The following GCN1 variants were observed in gnomAD, a reference collection of about 807,000 sequenced individuals.
The protein encoded by GCN1 is stalled ribosome sensor GCN1.
Under a neutral mutation model 288.4 loss-of-function variants are expected in GCN1, and 90 were observed. That is an observed-to-expected ratio of 0.31 (90% CI 0.26 to 0.37). The LOEUF (loss-of-function observed/expected upper bound fraction) is 0.37, where lower values mean the gene tolerates loss of function less well. Ranked by LOEUF, GCN1 falls within the 10% of genes least tolerant of loss-of-function variation. The pLI, the probability that GCN1 is intolerant of heterozygous loss-of-function variation, is 1.00. For synonymous variants in GCN1, 1,386 were observed against 1,420.2 expected (o/e 0.98, Z 0.54); for missense variants, 2,586 against 3,419.9 (o/e 0.76, Z 6.08).
In GCN1 at chr12:120,156,866, G is replaced by C. The variant is rs752618071; in HGVS notation, c.3168+46C>G. ...CCTTTACACTGGGACTTGAGGTCTGGGTCACGAACTGAGTCACAGCAACAG... is the reference window on the plus strand; with the variant it reads ...CCTTTACACTGGGACTTGAGGTCTGCGTCACGAACTGAGTCACAGCAACAG... On this transcript the variant is annotated intron_variant, in intron 27 of 57. Coordinates refer to ENST00000300648, the MANE Select transcript of GCN1 (RefSeq NM_006836.2). This position sits in a 1 kb window ranked among gnomAD's most constrained non-coding sequence, Gnocchi z 5.8. The C allele has an allele frequency of 4.6e-6, 6 of 1,294,338 alleles. No homozygotes were observed. Among genetic ancestry groups the C allele is most frequent in the Non-Finnish European group, 3.4e-6 (3 of 887,880 alleles). 80.2% of individuals were successfully genotyped at this position (1,294,338 alleles called of 1,614,324 possible).
At chr12:120,175,362 C>A in intron 11 of GCN1, 150 bp from the exon 12 acceptor site, 1 of 734,316 alleles carries the variant, frequency 1.4e-6, no homozygotes, top group Non-Finnish European at 2.3e-6. Flanking sequence ...GCAACTTTTA[C>A]TAGCCTTTTG....
At position 120,170,320 on chromosome 12, in the gene GCN1, A is replaced by AGGG; in HGVS notation, c.1367_1368insCCC (p.Gly456_Asp457insPro). On this transcript the variant is annotated inframe_insertion and splice_region_variant, in exon 15 of 58. Coordinates refer to ENST00000300648, the MANE Select transcript of GCN1 (RefSeq NM_006836.2). ...AGTCCAGGGCCTGCAACAGCGTGTCACCTGTGGAGAGAGGACAAGCACCTT... is the reference window on the plus strand; with the variant it reads ...AGTCCAGGGCCTGCAACAGCGTGTCAGGGCCTGTGGAGAGAGGACAAGCACCTT... 1 of 1,613,928 alleles carries AGGG rather than the reference A, an allele frequency of 6.2e-7. No individual in the cohort carries two copies. Among genetic ancestry groups the AGGG allele is most frequent in the Non-Finnish European group, 8.5e-7 (1 of 1,179,812 alleles).
intron 16 of GCN1, among the ~76,000 whole-genome samples, chr12:120,166,514 C>T (rs1878130851): frequency 6.6e-6 from 1 of 151,492 alleles, no homozygotes; most frequent in Non-Finnish European, 1.5e-5. Flanking sequence ...ACCAGCCTGG[C>T]TAACACTGTG....
Position 120,129,512 on chromosome 12 carries a change from A to G in GCN1, c.7672-18T>C. ...TGCAGACACTGTAAAAAGAACCACAAACAGGCTTTTGGATAGGCATGTCAT... is the reference window on the plus strand; with the variant it reads ...TGCAGACACTGTAAAAAGAACCACAGACAGGCTTTTGGATAGGCATGTCAT... On this transcript the variant is annotated intron_variant, in intron 56 of 57. Coordinates refer to ENST00000300648, the MANE Select transcript of GCN1 (RefSeq NM_006836.2). 2 of 1,585,378 alleles carry G rather than the reference A, an allele frequency of 1.3e-6. No individual in the cohort carries two copies. The highest frequency in any genetic ancestry group is 1.7e-6 in the Non-Finnish European group (2 of 1,153,808).
intron 16 of GCN1, among the ~76,000 whole-genome samples, chr12:120,164,942 A>AATATACACAC (rs1878055167): frequency 6.7e-6 from 1 of 148,642 alleles, no homozygotes; most frequent in African/African-American, 2.5e-5. Context: ...TTTTATATAT[A>AATATACACAC]ATATACACAC....
At position 120,138,326 on chromosome 12, in the gene GCN1, G is replaced by A; in HGVS notation, c.6246C>T (p.Pro2082=). The change falls in exon 47 of 58, where the codon CCC becomes CCT. Residue 2082 remains proline, a synonymous_variant. Transcript: ENST00000300648. ...TTGACCACATGTTGGGATTTACCTT[G>A]GGCACAAGGTAGGGCAGCACCACAC... The part of the protein sequence containing the change: ...KSRVVLPYLV[P]KLTTPPVNTR... The A allele has an allele frequency of 6.3e-7, 1 of 1,589,986 alleles. No homozygotes were observed. Among genetic ancestry groups the A allele is most frequent in the South Asian group, 1.1e-5 (1 of 90,626 alleles).
intron 5 of GCN1, among the ~76,000 whole-genome samples, chr12:120,182,737 A>T (rs1341701588): frequency 2.0e-5 from 3 of 152,188 alleles, no homozygotes; most frequent in Non-Finnish European, 4.4e-5. Flanking sequence ...CAGGAGCTCA[A>T]GGCCAGCCTG....
Position 120,151,330 on chromosome 12 carries a change from C to G in GCN1, c.4124G>C (p.Gly1375Ala), listed in dbSNP as rs756784739. ...CTGCATAAGCCTCTGGATCATCCCT[C>G]CAGCATCCTCCTTGATGGCTGGCAC... Reference protein sequence around the residue: ...PLVPAIKEDAGGMIQRLMQQL... With the variant: ...PLVPAIKEDAAGMIQRLMQQL... The change falls in exon 34 of 58, where the codon GGA (glycine) becomes GCA (alanine). Residue 1375 changes from glycine (G) to alanine (A), a missense_variant. This residue lies in a region of GCN1 where 332 missense variants were observed against 403.0 expected (regional missense o/e 0.82). Coordinates refer to ENST00000300648, the MANE Select transcript of GCN1 (RefSeq NM_006836.2). 6 of 1,614,040 alleles carry G rather than the reference C, an allele frequency of 3.7e-6. No homozygotes were observed. The highest frequency in any genetic ancestry group is 5.1e-6 in the Non-Finnish European group (6 of 1,179,934).
intron 38 of GCN1, 28 bp downstream of exon 38, chr12:120,147,024 C>A: frequency 7.0e-7 from 1 of 1,418,748 alleles, no homozygotes; most frequent in South Asian, 1.5e-5. Context: ...TCTGGTCTAT[C>A]CCACACTAGC....
intron 5 of GCN1, among the ~76,000 whole-genome samples, chr12:120,181,861 A>G (rs1431041112): frequency 1.4e-5 from 2 of 139,002 alleles, no homozygotes; most frequent in Non-Finnish European, 3.1e-5. Flanking sequence ...AAAAAAAAAA[A>G]GTAGGCTGGG....
Position 120,161,542 on chromosome 12 carries a change from T to C in GCN1, c.2384A>G (p.Glu795Gly). ...DSIKKANMKR[E>G]NKAYSFKEQI... Reference sequence around the variant, plus strand: ...CTCTTTGAAGGAATAAGCTTTGTTCTCTCGCTTCATGTTGGCCTTTTTTAT... The same window carrying C: ...CTCTTTGAAGGAATAAGCTTTGTTCCCTCGCTTCATGTTGGCCTTTTTTAT... The change falls in exon 22 of 58, where the codon GAG (glutamate) becomes GGG (glycine). Residue 795 changes from glutamate (E) to glycine (G), a missense_variant. Around this residue, in one of 8 missense-constraint regions of GCN1, gnomAD observed 913 missense variants for 1,107.0 expected, o/e 0.82. Transcript: ENST00000300648. The C allele has an allele frequency of 6.2e-7, 1 of 1,614,010 alleles. No homozygotes were observed.
At position 120,155,729 on chromosome 12, in the gene GCN1, G is replaced by A; in HGVS notation, c.3313-10C>T. 1.9e-6 allele frequency: 3 copies of A among 1,613,868 alleles called. No individual in the cohort carries two copies. The highest frequency in any genetic ancestry group is 1.1e-5 in the South Asian group (1 of 91,066). ...GGAGTTCCATCAGCCCCTGGAAGGG[G>A]TGGGATTGGACCGTGTGAGGCATCA... On this transcript the variant is annotated splice_polypyrimidine_tract_variant and intron_variant, in intron 28 of 57. Coordinates refer to ENST00000300648, the MANE Select transcript of GCN1 (RefSeq NM_006836.2). This position sits in a 1 kb window ranked among gnomAD's most constrained non-coding sequence, Gnocchi z 4.9.
At position 120,184,151 on chromosome 12, in the gene GCN1, A is replaced by G; in HGVS notation, c.278T>C (p.Leu93Pro). ...EATAKNLLHS[L>P]QSSGIGSKAG... is the part of the protein sequence containing the mutation. ...TTTGGAGCCTATACCAGAAGACTGC[A>G]GAGAGTGTAGAAGGTTCTTAGCAGT... Residue 93 changes from leucine to proline, a missense_variant, in exon 4 of 58, where the codon CTG becomes CCG. Coordinates refer to ENST00000300648, the MANE Select transcript of GCN1 (RefSeq NM_006836.2). The G allele has an allele frequency of 2.5e-6, 4 of 1,613,960 alleles. No individual in the cohort carries two copies. Among genetic ancestry groups the G allele is most frequent in the Non-Finnish European group, 3.4e-6 (4 of 1,179,842 alleles).
intron 20 of GCN1, chr12:120,162,379 G>A (rs905695465): frequency 1.7e-5 from 7 of 402,100 alleles, no homozygotes; most frequent in South Asian, 1.2e-4. Context: ...GCAGAGATGA[G>A]CATGGCACCC....
intron 5 of GCN1, among the ~76,000 whole-genome samples, chr12:120,182,600 A>G (rs1005738606): frequency 2.0e-5 from 3 of 152,202 alleles, no homozygotes; most frequent in African/African-American, 7.2e-5. Flanking sequence ...AAATGAGGAA[A>G]TGGGCTCAGA....
rs1360488577 is a variant in GCN1 at position 120,158,563 on chromosome 12, C to T, written c.2802G>A (p.Leu934=). 6.2e-6 allele frequency: 10 copies of T among 1,606,306 alleles called. No individual in the cohort carries two copies. The highest frequency in any genetic ancestry group is 5.3e-5 in the African/African-American group (4 of 74,790). ...GCTCTTCCTGGCACCAGGACTTATC[C>T]AGGACACACTCTGGCTTCAGCAGGC... ...TLRLLKPECV[L]DKSWCQEELS... The change falls in exon 25 of 58, where the codon CTG becomes CTA. Residue 934 remains leucine (L), a synonymous_variant. Transcript: ENST00000300648. This position sits in a 1 kb window ranked among gnomAD's most constrained non-coding sequence, Gnocchi z 4.3.
chr12:120,159,831 C>A lies in GCN1; in HGVS notation c.2743G>T (p.Ala915Ser). The stretch of plus-strand genomic sequence containing the variant: ...CCAGCAAACAAGGACTAACCCAAAG[C>A]CTTGAGCCTAGAGGGCATGACACAG... ...AACVMPSRLK[A>S]LGTLVSHVTL... Residue 915 changes from alanine (A) to serine (S), a missense_variant, in exon 24 of 58, where the codon GCT becomes TCT. By Grantham distance (99) the Ala-to-Ser change is moderately conservative (BLOSUM62 1). Around this residue, in one of 8 missense-constraint regions of GCN1, gnomAD observed 153 missense variants for 252.0 expected, o/e 0.61. Coordinates refer to ENST00000300648, the MANE Select transcript of GCN1 (RefSeq NM_006836.2). The A allele has an allele frequency of 6.2e-7, 1 of 1,614,058 alleles. No individual in the cohort carries two copies.
At position 120,142,369 on chromosome 12, in the gene GCN1, A is replaced by C; in HGVS notation, c.5829+138T>G. On this transcript the variant is annotated intron_variant, in intron 44 of 57. Coordinates refer to ENST00000300648, the MANE Select transcript of GCN1 (RefSeq NM_006836.2). This position sits in a 1 kb window ranked among gnomAD's most constrained non-coding sequence, Gnocchi z 4.9. ...AAATTAATCAAAAAATATTTGCAGA[A>C]TGACTAAGTAAAGAACACAATGTCC... 1 of 627,132 alleles carries C rather than the reference A, an allele frequency of 1.6e-6. No individual in the cohort carries two copies. Among genetic ancestry groups the C allele is most frequent in the South Asian group, 2.0e-5 (1 of 49,966 alleles). 38.8% of individuals were successfully genotyped at this position (627,132 alleles called of 1,614,324 possible). A position where few individuals can be genotyped will look rare whatever the true frequency, so the allele number is the denominator to read the frequency against.
chr12:120,131,881 C>T (rs891893049), intron 54 of GCN1, 45 bp downstream of exon 54: 3 of 1,250,228 alleles, frequency 2.4e-6, no homozygotes, highest in Non-Finnish European at 3.5e-6. Flanking sequence ...TTCGCTAGGG[C>T]TGAGAGGCCC....
Sources: gnomAD v4.1 joint callset for allele counts (sites outside exome capture counted in the v4.1 genomes callset) on GRCh38, gnomAD v4.1.1 for gene constraint, gnomAD v4.1.1 regional missense constraint, Gnocchi (gnomAD v3.1) non-coding constraint, MANE v1.5 for transcripts, NCBI Gene and HGNC (gene_info 2026-07-23, HGNC 2026-07-21) for gene names.